Variants in POLH observed in about 807,000 individuals in gnomAD.
POLH encodes DNA polymerase eta transcript.
POLH carries 53 observed loss-of-function variants against 73.6 expected under a neutral mutation model. The ratio of observed to expected loss-of-function variants is 0.72; its 90% CI spans 0.58 to 0.91. POLH has a LOEUF of 0.91. POLH is among the 40% of genes least tolerant of loss of function. The pLI is 0.00. For missense variants in POLH, 768 were observed against 865.4 expected, an observed-to-expected ratio of 0.89 and a Z score of 1.41; for synonymous variants, 292 against 308.5, an observed-to-expected ratio of 0.95 and a Z score of 0.56.
At chr6:43,606,942 C>T (rs956605617) in intron 9 of POLH, among the ~76,000 whole-genome samples, 3 of 152,218 alleles carry the variant, frequency 2.0e-5, no homozygotes, top group Non-Finnish European at 4.4e-5. Flanking sequence ...CCTAGGCAAC[C>T]ACTACACTGC....
Position 43,614,566 on chromosome 6 carries a change from T to C in POLH, c.*9T>C, listed in dbSNP as rs1768200839. Reference sequence around the variant, plus strand: ...AGCCATTAACACATTAGTGCTGCCCTCAGGCTTGCCTGTAGGATTTAATAT... The same window carrying C: ...AGCCATTAACACATTAGTGCTGCCCCCAGGCTTGCCTGTAGGATTTAATAT... On this transcript the variant is annotated 3_prime_UTR_variant, in exon 11 of 11. Transcript: ENST00000372236. 3 of 1,608,804 alleles carry C rather than the reference T, an allele frequency of 1.9e-6. No individual in the cohort carries two copies. The East Asian group carries it at 6.7e-5, about 36-fold the overall frequency.
intron 4 of POLH, among the ~76,000 whole-genome samples, chr6:43,595,694 A>G (rs938168588): frequency 2.0e-5 from 3 of 152,122 alleles, no homozygotes; most frequent in Non-Finnish European, 2.9e-5. Context: ...GAGGCAGGAG[A>G]ATGGCGTGGA....
rs958707629 is a variant in POLH at position 43,585,632 on chromosome 6, C to T, written c.273-1640C>T. On this transcript the variant is annotated intron_variant, in intron 3 of 10. Transcript: ENST00000372236. ...TGTGTGTATGAGTATATTGCTCTTT[C>T]TTTTCTTTTTTTTTTTTTTTTTGTG... Among the ~76,000 whole-genome samples, 22 of 133,098 alleles carry T rather than the reference C, an allele frequency of 1.7e-4. 1 individual carries two copies. Among genetic ancestry groups the T allele is most frequent in the African/African-American group, 4.4e-4 (13 of 29,712 alleles). 87.3% of individuals were successfully genotyped at this position (133,098 alleles called of 152,430 possible). A position where few individuals can be genotyped will look rare whatever the true frequency, so the allele number is the denominator to read the frequency against.
Position 43,613,874 on chromosome 6 carries a change from G to A in POLH, c.1459G>A (p.Ala487Thr). Residue 487 changes from alanine to threonine, a missense_variant, in exon 11 of 11, where the codon GCT (alanine) becomes ACT (threonine). Transcript: ENST00000372236. ...TTSLESFFQK[A>T]AERQKVKEAS... ...GTCTCTGGAATCATTCTTCCAAAAA[G>A]CTGCAGAAAGGCAGAAAGTTAAAGA... is the stretch of plus-strand genomic sequence containing the variant. 1 of 1,614,164 alleles carries A rather than the reference G, an allele frequency of 6.2e-7. No homozygotes were observed. Among genetic ancestry groups the A allele is most frequent in the East Asian group, 2.2e-5 (1 of 44,882 alleles).
intron 5 of POLH, among the ~76,000 whole-genome samples, chr6:43,598,437 A>G (rs1227563776): frequency 6.6e-6 from 1 of 151,170 alleles, no homozygotes; most frequent in Non-Finnish European, 1.5e-5. Flanking sequence ...GACCAGCCTG[A>G]CCAATATGGT....
intron 4 of POLH, 103 bp downstream of exon 4, chr6:43,587,592 C>A: frequency 1.2e-6 from 1 of 823,952 alleles, no homozygotes; most frequent in Non-Finnish European, 2.1e-6. Flanking sequence ...ACTTAAACTA[C>A]AGCCTGAATG....
chr6:43,595,303 G>A (rs1765915659), intron 4 of POLH, among the ~76,000 whole-genome samples: 1 of 151,658 alleles, frequency 6.6e-6, no homozygotes, highest in Non-Finnish European at 1.5e-5. Context: ...GCTAATTTTT[G>A]TATTTGTATT....
At chr6:43,606,018 C>T (rs1206557219) in intron 9 of POLH, among the ~76,000 whole-genome samples, 1 of 152,226 alleles carries the variant, frequency 6.6e-6, no homozygotes, top group East Asian at 1.9e-4. Context: ...GCCACCACGC[C>T]CAGCCAGTAG....
At chr6:43,608,079 G>C (rs1026090875) in intron 9 of POLH, among the ~76,000 whole-genome samples, 1 of 152,142 alleles carries the variant, frequency 6.6e-6, no homozygotes. Flanking sequence ...GCAGTGAGCC[G>C]AGATTGCGCC....
Position 43,619,226 on chromosome 6 carries a change from T to C in POLH, c.*4669T>C, listed in dbSNP as rs1177856667. ...ACAGTCTTTACAAAAAATACAAAGATGGTGGCTTATGCCTGTAGTCGTACC... is the reference window on the plus strand; with the variant it reads ...ACAGTCTTTACAAAAAATACAAAGACGGTGGCTTATGCCTGTAGTCGTACC... On this transcript the variant is annotated 3_prime_UTR_variant, in exon 11 of 11. Coordinates refer to ENST00000372236, the MANE Select transcript of POLH (RefSeq NM_006502.3). Among the ~76,000 whole-genome samples, 1 of 151,734 alleles carries C rather than the reference T, an allele frequency of 6.6e-6. No individual in the cohort carries two copies. Among genetic ancestry groups the C allele is most frequent in the Non-Finnish European group, 1.5e-5 (1 of 67,958 alleles).
intron 5 of POLH, among the ~76,000 whole-genome samples, chr6:43,598,819 C>T (rs977871914): frequency 1.2e-4 from 18 of 151,892 alleles, no homozygotes; most frequent in Non-Finnish European, 1.3e-4. Context: ...ATTTTATATA[C>T]GGGACTTGGG....
chr6:43,608,838 A>T (rs566249364), intron 9 of POLH, among the ~76,000 whole-genome samples: 1 of 152,242 alleles, frequency 6.6e-6, no homozygotes, highest in East Asian at 1.9e-4. Flanking sequence ...CTTCACACTT[A>T]AGGCATATTA....
Position 43,619,126 on chromosome 6 carries a change from T to TAACA in POLH, c.*4570_*4573dup, listed in dbSNP as rs947345446. Among the ~76,000 whole-genome samples the TAACA allele has an allele frequency of 6.6e-6, 1 of 152,086 alleles. No individual in the cohort carries two copies. Among genetic ancestry groups the TAACA allele is most frequent in the Non-Finnish European group, 1.5e-5 (1 of 67,998 alleles). On this transcript the variant is annotated 3_prime_UTR_variant, in exon 11 of 11. Transcript: ENST00000372236. ...TCACGGTGGCTGATGCTTGTAATCC[T>TAACA]AACACTTTGGGAGGCTGAGGTGGGT...
chr6:43,598,444 T>C (rs968736373), intron 5 of POLH, among the ~76,000 whole-genome samples: 2 of 150,340 alleles, frequency 1.3e-5, no homozygotes, highest in Admixed American at 6.7e-5. Context: ...CTGACCAATA[T>C]GGTAAAACAC....
At chr6:43,581,640 C>T (rs1764238527) in intron 1 of POLH, among the ~76,000 whole-genome samples, 2 of 142,572 alleles carry the variant, frequency 1.4e-5, no homozygotes, top group South Asian at 2.1e-4. Flanking sequence ...ACTGAGACAG[C>T]TCTGCTGCCC....
intron 3 of POLH, among the ~76,000 whole-genome samples, chr6:43,585,161 AG>A (rs1348560861): frequency 6.6e-6 from 1 of 152,194 alleles, no homozygotes; most frequent in African/African-American, 2.4e-5. Context: ...GTCAAAAAGA[AG>A]ATGAAGATGA....
At chr6:43,582,096 T>C (rs1764344583) in intron 1 of POLH, among the ~76,000 whole-genome samples, 1 of 152,172 alleles carries the variant, frequency 6.6e-6, no homozygotes, top group Non-Finnish European at 1.5e-5. Flanking sequence ...AATGCAAATA[T>C]TGCAAAATTT....
chr6:43,582,252 A>G, intron 1 of POLH, 64 bp from the exon 2 acceptor site: 1 of 1,461,082 alleles, frequency 6.8e-7, no homozygotes. Context: ...GAATGGAATT[A>G]CAGTTTTCCC....
At chr6:43,605,190 C>A in intron 8 of POLH, 64 bp from the exon 9 acceptor site, 1 of 910,202 alleles carries the variant, frequency 1.1e-6, no homozygotes, top group Non-Finnish European at 1.8e-6. Context: ...ACAAATAACA[C>A]CATCTAGTTC....
Sources: gnomAD v4.1 joint callset for allele counts (sites outside exome capture counted in the v4.1 genomes callset) on GRCh38, gnomAD v4.1.1 for gene constraint, MANE v1.5 for transcripts, NCBI Gene and HGNC (gene_info 2026-07-23, HGNC 2026-07-21) for gene names.